The following ALK variants were observed in gnomAD, a reference collection of about 807,000 sequenced individuals.
ALK encodes the protein ALK receptor tyrosine kinase.
In ALK, 74 loss-of-function variants were observed where a neutral mutation model predicts 163.1. That is an observed-to-expected ratio of 0.45 (90% CI 0.38 to 0.55). The LOEUF is 0.55. Ranked by LOEUF, ALK falls within the 20% of genes least tolerant of loss-of-function variation. The pLI is 0.00. For missense variants in ALK, 2,063 were observed against 2,105.3 expected, an observed-to-expected ratio of 0.98 and a Z score of 0.39; for synonymous variants, 960 against 843.2, an observed-to-expected ratio of 1.14 and a Z score of -2.40.
intron 9 of ALK, 98 bp downstream of exon 9, chr2:29,296,790 T>C: frequency 6.8e-7 from 1 of 1,465,844 alleles, no homozygotes; most frequent in South Asian, 1.2e-5. Context: ...TCTGCATGTG[T>C]GTCTTGGGTA....
chr2:29,655,724 G>T (rs531380910), intron 3 of ALK, among the ~76,000 whole-genome samples: 2 of 152,168 alleles, frequency 1.3e-5, no homozygotes, highest in Non-Finnish European at 2.9e-5. Flanking sequence ...AACATGGATT[G>T]CCTTTGAACA....
chr2:29,763,102 A>G (rs1422941439), intron 1 of ALK, among the ~76,000 whole-genome samples: 2 of 151,772 alleles, frequency 1.3e-5, no homozygotes, highest in Admixed American at 6.6e-5. Flanking sequence ...AAAAAAAAAA[A>G]AAAAAATAGG....
chr2:29,366,788 G>T (rs1668519197), intron 5 of ALK, among the ~76,000 whole-genome samples: 1 of 152,178 alleles, frequency 6.6e-6, no homozygotes, highest in African/African-American at 2.4e-5. Flanking sequence ...CAAAAGGGAG[G>T]AAAAAATTGC....
In ALK at chr2:29,197,512, C is replaced by T. The variant is rs373369966; in HGVS notation, c.4073+30G>A. 8.2e-5 allele frequency: 132 copies of T among 1,611,918 alleles called. No homozygotes were observed. The African/African-American group carries it at 1.7e-3, about 20-fold the overall frequency. On this transcript the variant is annotated intron_variant, in intron 27 of 28. Coordinates refer to ENST00000389048, the MANE Select transcript of ALK (RefSeq NM_004304.5). ...TTTGAAAAGAAAAACTGCTTAGTAA[C>T]TAGCAGAAGTGTTCCTAAAAGAGTC...
At chr2:29,500,292 T>G (rs536860580) in intron 4 of ALK, among the ~76,000 whole-genome samples, 2 of 152,276 alleles carry the variant, frequency 1.3e-5, no homozygotes, top group Non-Finnish European at 2.9e-5. Context: ...GAGTGAGTTA[T>G]CACAAAGTTT....
chr2:29,370,982 A>C (rs1161316636), intron 5 of ALK, among the ~76,000 whole-genome samples: 2 of 152,262 alleles, frequency 1.3e-5, no homozygotes, highest in African/African-American at 4.8e-5. Context: ...TAGATACGAA[A>C]TGCTGGCTAA....
rs200364883 is a variant in ALK at position 29,297,036 on chromosome 2, G to C, written c.1669C>G (p.Arg557Gly). 1 of 1,614,144 alleles carries C rather than the reference G, an allele frequency of 6.2e-7. No individual in the cohort carries two copies. The highest frequency in any genetic ancestry group is 1.3e-5 in the African/African-American group (1 of 75,032). The change falls in exon 9 of 29, where the codon CGT becomes GGT. Residue 557 changes from arginine (R) to glycine (G), a missense_variant. This residue lies in a region of ALK where 987 missense variants were observed against 939.5 expected (regional missense o/e 1.05). Coordinates refer to ENST00000389048, the MANE Select transcript of ALK (RefSeq NM_004304.5). ...GACACGTTTCCCCTCAAGACTCCAC[G>C]AATGAGCCAGGACATTCGGAGCTGT... ...PCELRMSWLI[R>G]GVLRGNVSLV...
chr2:29,619,331 T>C (rs999243146), intron 3 of ALK, among the ~76,000 whole-genome samples: 7 of 152,370 alleles, frequency 4.6e-5, no homozygotes, highest in African/African-American at 9.6e-5. Flanking sequence ...TTGGGTATCA[T>C]TGGTGCTTTC....
At chr2:29,525,349 GC>G (rs1219302953) in intron 4 of ALK, among the ~76,000 whole-genome samples, 5 of 152,256 alleles carry the variant, frequency 3.3e-5, no homozygotes, top group African/African-American at 1.2e-4. Flanking sequence ...GTTATATAAA[GC>G]TACCCGCTTA....
intron 3 of ALK, among the ~76,000 whole-genome samples, chr2:29,582,014 G>A (rs929222212): frequency 6.6e-6 from 1 of 152,288 alleles, no homozygotes; most frequent in Non-Finnish European, 1.5e-5. Flanking sequence ...GACTCAAGTC[G>A]AGCATTCATT....
At chr2:29,459,814 C>T (rs1264462783) in intron 4 of ALK, among the ~76,000 whole-genome samples, 1 of 152,130 alleles carries the variant, frequency 6.6e-6, no homozygotes, top group African/African-American at 2.4e-5. Flanking sequence ...TAACTGCATA[C>T]CTCTGAACTT....
chr2:29,834,665 C>T (rs767283928), intron 1 of ALK, among the ~76,000 whole-genome samples: 7 of 151,868 alleles, frequency 4.6e-5, no homozygotes, highest in Admixed American at 1.3e-4. Flanking sequence ...CAAAAGGGTG[C>T]GAGTATAGAG....
At chr2:29,776,047 A>G (rs1681166517) in intron 1 of ALK, among the ~76,000 whole-genome samples, 2 of 152,186 alleles carry the variant, frequency 1.3e-5, no homozygotes, top group Admixed American at 1.3e-4. Context: ...CATGTTATTG[A>G]TGGTACTACA....
intron 4 of ALK, among the ~76,000 whole-genome samples, chr2:29,463,111 G>A (rs1671126335): frequency 6.6e-6 from 1 of 152,112 alleles, no homozygotes; most frequent in Admixed American, 6.6e-5. Context: ...AGACTAACAT[G>A]CTAACAATAA....
intron 4 of ALK, among the ~76,000 whole-genome samples, chr2:29,450,423 C>A (rs2148091457): frequency 6.6e-6 from 1 of 152,218 alleles, no homozygotes; most frequent in African/African-American, 2.4e-5. Context: ...CAGGGCTGAG[C>A]CCTGTAGGGT....
chr2:29,302,959 C>G (rs112342891), intron 8 of ALK, among the ~76,000 whole-genome samples: 15,465 of 152,068 alleles, frequency 0.1, 817 homozygotes, highest in Non-Finnish European at 0.12. Context: ...GGACATTGGC[C>G]TAGGCAAAGA....
At chr2:29,502,181 A>G (rs77331963) in intron 4 of ALK, among the ~76,000 whole-genome samples, 2,225 of 152,290 alleles carry the variant, frequency 0.015, 65 homozygotes, top group African/African-American at 0.05. Context: ...CTTGCGAAGC[A>G]TATAGTCCAT....
intron 4 of ALK, among the ~76,000 whole-genome samples, chr2:29,420,903 G>C (rs1359193353): frequency 6.6e-6 from 1 of 151,496 alleles, no homozygotes; most frequent in Non-Finnish European, 1.5e-5. Context: ...ACTTTTGCTC[G>C]ACATAGCTTG....
chr2:29,855,070 G>A (rs1666103359), intron 1 of ALK, among the ~76,000 whole-genome samples: 1 of 152,156 alleles, frequency 6.6e-6, no homozygotes, highest in South Asian at 2.1e-4. Flanking sequence ...TGAGGGCAGG[G>A]ACGATGTCTG....
Sources: gnomAD v4.1 joint callset for allele counts (sites outside exome capture counted in the v4.1 genomes callset) on GRCh38, gnomAD v4.1.1 for gene constraint, gnomAD v4.1.1 regional missense constraint, MANE v1.5 for transcripts, NCBI Gene and HGNC (gene_info 2026-07-23, HGNC 2026-07-21) for gene names.